Variants in ADAMTS4 observed in about 807,000 individuals in gnomAD.
ADAMTS4 encodes the protein A disintegrin and metalloproteinase with thrombospondin motifs 4.
A neutral mutation model predicts 66.7 loss-of-function variants in ADAMTS4; 38 were observed. The ratio of observed to expected loss-of-function variants is 0.57; its 90% CI spans 0.44 to 0.75. ADAMTS4 has a LOEUF of 0.75. Among genes scored for constraint, ADAMTS4 ranks in the 30% least tolerant of loss-of-function variants. The pLI is 0.00. For synonymous variants in ADAMTS4, 418 were observed against 461.5 expected (o/e 0.91, Z 1.21); for missense variants, 1,014 against 1,116.7 (o/e 0.91, Z 1.31).
intron 7 of ADAMTS4, among the ~76,000 whole-genome samples, chr1:161,192,891 GC>G (rs1664714980): frequency 6.6e-6 from 1 of 152,174 alleles, no homozygotes; most frequent in Non-Finnish European, 1.5e-5. Flanking sequence ...TGACAGAGGA[GC>G]CCATGGAAGA....
rs1664765379 is a variant in ADAMTS4, at chr1:161,194,411, AC to A, written c.1262-191del. 6.7e-6 allele frequency among the ~76,000 whole-genome samples: 1 copy of A among 150,250 alleles called. No individual in the cohort carries two copies. The highest frequency in any genetic ancestry group is 1.5e-5 in the Non-Finnish European group (1 of 67,640). ...CTTACTTTTTTTTTTTTTTCCTGAG[AC>A]AGAGTCTTGCTCTGTCGCTCAGGCT... On this transcript the variant is annotated intron_variant, in intron 4 of 8. Coordinates refer to ENST00000367996, the MANE Select transcript of ADAMTS4 (RefSeq NM_005099.6). This position sits in a 1 kb window ranked among gnomAD's most constrained non-coding sequence, Gnocchi z 4.1.
chr1:161,197,547 T>G, intron 1 of ADAMTS4: 1 of 166,306 alleles, frequency 6.0e-6, no homozygotes, highest in Non-Finnish European at 1.3e-5. Context: ...GCCACAGTGA[T>G]TTTAAAGGCA....
At chr1:161,192,341 G>A (rs986445553) in intron 7 of ADAMTS4, 101 bp from the exon 8 acceptor site, 17 of 1,183,766 alleles carry the variant, frequency 1.4e-5, no homozygotes, top group African/African-American at 4.6e-5. Flanking sequence ...CAATGTTGTC[G>A]GAAAAGTTGG....
intron 3 of ADAMTS4, 22 bp from the exon 4 acceptor site, chr1:161,195,657 T>C (rs761579655): frequency 2.5e-6 from 4 of 1,599,340 alleles, no homozygotes; most frequent in South Asian, 2.3e-5. Flanking sequence ...AAGGCCCTGA[T>C]AGGATCTGAG....
chr1:161,195,786 T>C lies in ADAMTS4; in HGVS notation c.1091-151A>G, dbSNP rs528338842. On this transcript the variant is annotated intron_variant, in intron 3 of 8. Coordinates refer to ENST00000367996, the MANE Select transcript of ADAMTS4 (RefSeq NM_005099.6). ...CTTTCCTTTATGGTACTCTCAGGGC[T>C]CCCAGTATGTAGCCCCGTCTCTTTC... 278 of 696,622 alleles carry C rather than the reference T, an allele frequency of 4.0e-4. 2 individuals are homozygous for C. The South Asian group carries it at 5.7e-3, about 14-fold the overall frequency. 43.2% of individuals were successfully genotyped at this position (696,622 alleles called of 1,614,324 possible).
rs1031236266 is a variant in ADAMTS4 at position 161,198,992 on chromosome 1, GTC to G, written c.-367_-366del. 1 of 223,078 alleles carries G rather than the reference GTC, an allele frequency of 4.5e-6. No homozygotes were observed. Among genetic ancestry groups the G allele is most frequent in the Non-Finnish European group, 8.8e-6 (1 of 113,796 alleles). The allele number at this position is 223,078 out of a possible 1,614,324, so 13.8% of individuals were successfully genotyped here. A position where few individuals can be genotyped will look rare whatever the true frequency, so the allele number is the denominator to read the frequency against. The stretch of plus-strand genomic sequence containing the variant: ...CTTCTTCCGCTGTGCCTTTGTCTCT[GTC>G]TCTTTCCTCCTCTGTCTCTCTCGTG... On this transcript the variant is annotated 5_prime_UTR_variant, in exon 1 of 9. The change abolishes the stop of an existing upstream ORF in the 5' untranslated region. Coordinates refer to ENST00000367996, the MANE Select transcript of ADAMTS4 (RefSeq NM_005099.6). This position sits in a 1 kb window ranked among gnomAD's most constrained non-coding sequence, Gnocchi z 4.7.
rs3123546 is a variant in ADAMTS4, at chr1:161,194,321, G to C, written c.1262-100C>G. ...GCTCCCTGGGGCCTGATGGAGCCTA[G>C]AAAAACAATCCTAGGACTATAAGAG... On this transcript the variant is annotated intron_variant, in intron 4 of 8. Transcript: ENST00000367996. This position sits in a 1 kb window ranked among gnomAD's most constrained non-coding sequence, Gnocchi z 4.1. The C allele has an allele frequency of 2.7e-6, 3 of 1,115,272 alleles. No individual in the cohort carries two copies. The highest frequency in any genetic ancestry group is 3.9e-6 in the Non-Finnish European group (3 of 777,850). 69.1% of individuals were successfully genotyped at this position (1,115,272 alleles called of 1,614,324 possible).
chr1:161,193,127 T>G lies in ADAMTS4; in HGVS notation c.1911+86A>C, dbSNP rs1401090917. ...CGTGGCTGTAGGAACAGGGTTACTTTGGGTGATCTTTGTTATCAGAAAGCA... is the reference window on the plus strand; with the variant it reads ...CGTGGCTGTAGGAACAGGGTTACTTGGGGTGATCTTTGTTATCAGAAAGCA... On this transcript the variant is annotated intron_variant, in intron 7 of 8. Transcript: ENST00000367996. The surrounding 1 kb of genome is among the most constrained non-coding windows in gnomAD (Gnocchi z 4.4). 12 of 1,432,054 alleles carry G rather than the reference T, an allele frequency of 8.4e-6. No homozygotes were observed. The highest frequency in any genetic ancestry group is 1.1e-5 in the Non-Finnish European group (12 of 1,066,134). 88.7% of individuals were successfully genotyped at this position (1,432,054 alleles called of 1,614,324 possible).
In ADAMTS4 at chr1:161,194,980, C is replaced by T. The variant is rs1290393564; in HGVS notation, c.1261+485G>A. ...GGAGGATTGCTTGAGCCTAGGAGTT[C>T]GAGACCAGCCTAGGCAACACAGTGA... On this transcript the variant is annotated intron_variant, in intron 4 of 8. Coordinates refer to ENST00000367996, the MANE Select transcript of ADAMTS4 (RefSeq NM_005099.6). This position sits in a 1 kb window ranked among gnomAD's most constrained non-coding sequence, Gnocchi z 4.1. 1.3e-5 allele frequency among the ~76,000 whole-genome samples: 2 copies of T among 152,178 alleles called. No individual in the cohort carries two copies. Among genetic ancestry groups the T allele is most frequent in the East Asian group, 1.9e-4 (1 of 5,172 alleles).
rs139491371 is a variant in ADAMTS4 at position 161,191,373 on chromosome 1, C to G, written c.2279G>C (p.Arg760Pro). The G allele has an allele frequency of 6.2e-7, 1 of 1,614,038 alleles. No homozygotes were observed. Among genetic ancestry groups the G allele is most frequent in the Non-Finnish European group, 8.5e-7 (1 of 1,180,022 alleles). The change falls in exon 9 of 9, where the codon CGC becomes CCC. Residue 760 changes from arginine to proline, a missense_variant. By Grantham distance (103) the Arg-to-Pro change is moderately radical. Transcript: ENST00000367996. Reference protein sequence around the residue: ...DVVLPGAVSLRYSGATAASET... With the variant: ...DVVLPGAVSLPYSGATAASET... ...TGAGGCTGCAGTGGCCCCGCTGTAGCGCAAGCTGACTGCCCCAGGCAGTAC... is the reference window on the plus strand; with the variant it reads ...TGAGGCTGCAGTGGCCCCGCTGTAGGGCAAGCTGACTGCCCCAGGCAGTAC...
rs746704472 is a variant in ADAMTS4, at chr1:161,193,165, C to A, written c.1911+48G>T. ...TTATCAGAAAGCAGAGGGAGCACTG[C>A]GGGTGTGTGTGACCATAGACAGGGC... is the stretch of plus-strand genomic sequence containing the variant. On this transcript the variant is annotated intron_variant, in intron 7 of 8. Transcript: ENST00000367996. This position sits in a 1 kb window ranked among gnomAD's most constrained non-coding sequence, Gnocchi z 4.4. 3 of 1,563,038 alleles carry A rather than the reference C, an allele frequency of 1.9e-6. No homozygotes were observed. Among genetic ancestry groups the A allele is most frequent in the East Asian group, 2.3e-5 (1 of 43,552 alleles).
Position 161,193,540 on chromosome 1 carries a change from G to T in ADAMTS4, c.1735+100C>A. 6.6e-7 allele frequency: 1 copy of T among 1,506,312 alleles called. No homozygotes were observed. 93.3% of individuals were successfully genotyped at this position (1,506,312 alleles called of 1,614,324 possible). A position where few individuals can be genotyped will look rare whatever the true frequency, so the allele number is the denominator to read the frequency against. ...CCAGAGGTTAAAGGCACTCCCCACA[G>T]CAGCAGGGGAATCAACACCCCCTTG... On this transcript the variant is annotated intron_variant, in intron 6 of 8. Coordinates refer to ENST00000367996, the MANE Select transcript of ADAMTS4 (RefSeq NM_005099.6). This position sits in a 1 kb window ranked among gnomAD's most constrained non-coding sequence, Gnocchi z 4.4.
Position 161,192,232 on chromosome 1 carries a change from A to C in ADAMTS4, c.1920T>G (p.Asp640Glu). ...YYYVLEPRVV[D>E]GTPCSPDSSS... ...AGCTGTCCGGGGAACAGGGGGTCCC[A>C]TCTACCACCTGAGGAAAAGAGAAAG... Residue 640 changes from aspartate (D) to glutamate (E), a missense_variant, in exon 8 of 9, where the codon GAT (aspartate) becomes GAG (glutamate). Physicochemically the swap from Asp to Glu is conservative, Grantham distance 45 (BLOSUM62 2). Coordinates refer to ENST00000367996, the MANE Select transcript of ADAMTS4 (RefSeq NM_005099.6). The C allele has an allele frequency of 6.2e-7, 1 of 1,613,324 alleles. No individual in the cohort carries two copies. Among genetic ancestry groups the C allele is most frequent in the Non-Finnish European group, 8.5e-7 (1 of 1,179,498 alleles).
chr1:161,196,464 C>A, intron 2 of ADAMTS4, 93 bp downstream of exon 2: 1 of 1,520,302 alleles, frequency 6.6e-7, no homozygotes, highest in Admixed American at 1.9e-5. Flanking sequence ...CCATGTCACA[C>A]AACTCCAGGA....
rs771778596 is a variant in ADAMTS4, at chr1:161,191,297, G to A, written c.2355C>T (p.Val785=). 6.2e-7 allele frequency: 1 copy of A among 1,613,966 alleles called. No homozygotes were observed. The highest frequency in any genetic ancestry group is 1.1e-5 in the South Asian group (1 of 91,092). ...GPLAQPLTLQ[V]LVAGNPQDTR... ...TGTCCTGGGGGTTGCCAGCCACTAG[G>A]ACTTGCAGTGTCAAAGGCTGGGCCA... The change falls in exon 9 of 9, where the codon GTC becomes GTT. Residue 785 remains valine (V), a synonymous_variant. Transcript: ENST00000367996.
rs184525990 is a variant in ADAMTS4 at position 161,188,454 on chromosome 1, G to T, written c.*2684C>A. 2,250 of 146,834 alleles carry T rather than the reference G, an allele frequency of 0.015. 27 individuals carry two copies. Among genetic ancestry groups the T allele is most frequent in the Non-Finnish European group, 0.021 (1,438 of 66,932 alleles). The allele number at this position is 146,834 out of a possible 1,614,324, so 9.1% of individuals were successfully genotyped here. ...AGATGGAATCTTTCTATGTTGCCCA[G>T]GTTGGTCCCAACCTCCTGGCCTCAA... On this transcript the variant is annotated 3_prime_UTR_variant, in exon 9 of 9. Transcript: ENST00000367996.
In ADAMTS4 at chr1:161,193,576, C is replaced by A; in HGVS notation, c.1735+64G>T. The A allele has an allele frequency of 2.6e-6, 4 of 1,555,216 alleles. No homozygotes were observed. The highest frequency in any genetic ancestry group is 3.5e-6 in the Non-Finnish European group (4 of 1,149,380). ...ATCAACACCCCCTTGGTCTTGCACT[C>A]AAGGGACAGTCCTTCCTGCTCTACT... On this transcript the variant is annotated intron_variant, in intron 6 of 8. Coordinates refer to ENST00000367996, the MANE Select transcript of ADAMTS4 (RefSeq NM_005099.6). This position sits in a 1 kb window ranked among gnomAD's most constrained non-coding sequence, Gnocchi z 4.4.
At chr1:161,191,908 G>A (rs1042133863) in intron 8 of ADAMTS4, among the ~76,000 whole-genome samples, 157 bp downstream of exon 8, 16 of 152,126 alleles carry the variant, frequency 1.1e-4, no homozygotes, top group African/African-American at 2.4e-4. Context: ...TTCCAACTTC[G>A]GATGAATACA....
chr1:161,190,988 C>T lies in ADAMTS4; in HGVS notation c.*150G>A, dbSNP rs1332578284. The T allele has an allele frequency of 2.2e-5, 20 of 909,386 alleles. No individual in the cohort carries two copies. The highest frequency in any genetic ancestry group is 3.2e-5 in the Non-Finnish European group (20 of 627,444). The allele number at this position is 909,386 out of a possible 1,614,324, so 56.3% of individuals were successfully genotyped here. ...GGGCAGGAAACCAGGGCAGGGCCAG[C>T]CTGCGCATTAGGGCAGAGAGGAGGG... On this transcript the variant is annotated 3_prime_UTR_variant, in exon 9 of 9. Transcript: ENST00000367996.
Sources: allele counts gnomAD v4.1 joint callset (sites outside exome capture counted in the v4.1 genomes callset), GRCh38; gene constraint gnomAD v4.1.1; non-coding constraint Gnocchi (gnomAD v3.1); transcripts MANE v1.5; gene names NCBI Gene and HGNC (gene_info 2026-07-23, HGNC 2026-07-21).